The following VRK1 variants were observed in gnomAD, a reference collection of about 807,000 sequenced individuals.
VRK1 encodes the protein VRK serine/threonine kinase 1.
A neutral mutation model predicts 57.1 loss-of-function variants in VRK1; 33 were observed. That is an observed-to-expected ratio of 0.58 (90% CI 0.44 to 0.77). The LOEUF is 0.77. VRK1 is among the 30% of genes least tolerant of loss of function. VRK1 has a pLI of 0.00. For missense variants in VRK1, 413 were observed against 477.3 expected (o/e 0.87, Z 1.25); for synonymous variants, 137 against 147.8 (o/e 0.93, Z 0.53).
chr14:96,877,338 C>A, intron 12 of VRK1: 1 of 362,912 alleles, frequency 2.8e-6, no homozygotes, highest in Non-Finnish European at 5.2e-6. Flanking sequence ...TTGGTTTAAT[C>A]TGTTTTAACC....
chr14:96,837,891 T>C, intron 3 of VRK1, 74 bp downstream of exon 3: 1 of 991,582 alleles, frequency 1.0e-6, no homozygotes, highest in African/African-American at 1.7e-5. Context: ...CCTTTTTTGA[T>C]TAACTAGAAT....
intron 4 of VRK1, 129 bp downstream of exon 4, chr14:96,846,293 C>A: frequency 2.2e-6 from 2 of 900,780 alleles, no homozygotes; most frequent in Non-Finnish European, 1.7e-6. Context: ...ATTCCACTTA[C>A]ATGGGATTTG....
chr14:96,839,326 G>GTACAT (rs1319989497), intron 3 of VRK1, among the ~76,000 whole-genome samples: 2 of 151,986 alleles, frequency 1.3e-5, no homozygotes, highest in African/African-American at 4.8e-5. Flanking sequence ...TTGTACAAGT[G>GTACAT]TTTTTATGGA....
intron 11 of VRK1, among the ~76,000 whole-genome samples, chr14:96,872,986 A>G (rs1318440304): frequency 6.6e-6 from 1 of 152,168 alleles, no homozygotes; most frequent in African/African-American, 2.4e-5. Flanking sequence ...CATATGTGCT[A>G]TATGAAGCAT....
intron 4 of VRK1, among the ~76,000 whole-genome samples, chr14:96,846,714 GA>G (rs781778346): frequency 0.071 from 7,310 of 103,650 alleles, 608 homozygotes; most frequent in African/African-American, 0.22. Flanking sequence ...AAATATTCCA[GA>G]AAAAAAAAAA....
At chr14:96,809,498 T>C (rs1886075108) in intron 1 of VRK1, among the ~76,000 whole-genome samples, 1 of 152,090 alleles carries the variant, frequency 6.6e-6, no homozygotes, top group Non-Finnish European at 1.5e-5. Context: ...TTCATTTTGG[T>C]TGGGTATATA....
At chr14:96,841,936 C>G (rs1887480244) in intron 3 of VRK1, among the ~76,000 whole-genome samples, 1 of 152,104 alleles carries the variant, frequency 6.6e-6, no homozygotes, top group African/African-American at 2.4e-5. Context: ...CTTCTTTTCC[C>G]CTAGCACTCT....
At chr14:96,816,192 C>T (rs1288657224) in intron 1 of VRK1, among the ~76,000 whole-genome samples, 1 of 152,110 alleles carries the variant, frequency 6.6e-6, no homozygotes, top group African/African-American at 2.4e-5. Flanking sequence ...TGTTCAGAAG[C>T]CTCACCGGTA....
intron 1 of VRK1, among the ~76,000 whole-genome samples, chr14:96,803,100 GTGCT>G (rs1277581314): frequency 1.3e-5 from 2 of 151,642 alleles, no homozygotes; most frequent in South Asian, 4.2e-4. Context: ...TGGTGTCTTG[GTGCT>G]TGTGTTTGAG....
At chr14:96,864,194 CTTA>C (rs1425783378) in intron 11 of VRK1, among the ~76,000 whole-genome samples, 1 of 152,016 alleles carries the variant, frequency 6.6e-6, no homozygotes, top group African/African-American at 2.4e-5. Context: ...TTTTGAACTT[CTTA>C]TTTGGCTGAA....
chr14:96,811,044 C>A (rs1254424428), intron 1 of VRK1, among the ~76,000 whole-genome samples: 2 of 152,094 alleles, frequency 1.3e-5, no homozygotes, highest in African/African-American at 4.8e-5. Context: ...GTTCTCCCAC[C>A]TCAGCCTCCC....
chr14:96,816,228 G>A (rs1886388190), intron 1 of VRK1, among the ~76,000 whole-genome samples: 2 of 152,150 alleles, frequency 1.3e-5, no homozygotes, highest in Non-Finnish European at 2.9e-5. Flanking sequence ...CTAAACATAA[G>A]CGGTCTCACA....
Position 96,853,055 on chromosome 14 carries a change from C to T in VRK1, c.484-19C>T. The T allele has an allele frequency of 6.2e-7, 1 of 1,612,840 alleles. No individual in the cohort carries two copies. The highest frequency in any genetic ancestry group is 8.5e-7 in the Non-Finnish European group (1 of 1,179,018). On this transcript the variant is annotated intron_variant, in intron 6 of 12. Transcript: ENST00000216639. ...GTGTTAGGTACTGCATTAACTTATT[C>T]TGTATGATACTTTCATAGCTGGATA...
chr14:96,843,371 G>A (rs942906182), intron 3 of VRK1, among the ~76,000 whole-genome samples: 2 of 152,186 alleles, frequency 1.3e-5, no homozygotes, highest in Non-Finnish European at 2.9e-5. Context: ...CTTTTCAGAT[G>A]TGAACTGATA....
intron 5 of VRK1, among the ~76,000 whole-genome samples, chr14:96,847,669 A>G (rs1283902483): frequency 6.6e-6 from 1 of 152,098 alleles, no homozygotes; most frequent in African/African-American, 2.4e-5. Context: ...TTAGAAATAA[A>G]CAAACAAAAA....
intron 5 of VRK1, 80 bp downstream of exon 5, chr14:96,847,424 C>T (rs1383792635): frequency 8.7e-7 from 1 of 1,143,548 alleles, no homozygotes; most frequent in African/African-American, 1.5e-5. Context: ...TAATTATTTA[C>T]TGATCACTTA....
intron 10 of VRK1, among the ~76,000 whole-genome samples, chr14:96,859,557 C>T (rs1395770409): frequency 2.0e-5 from 3 of 151,966 alleles, no homozygotes; most frequent in African/African-American, 2.4e-5. Flanking sequence ...GATTGTTGTC[C>T]GTTTTTTTCT....
At chr14:96,861,881 A>G (rs955255852) in intron 11 of VRK1, among the ~76,000 whole-genome samples, 2 of 152,086 alleles carry the variant, frequency 1.3e-5, no homozygotes, top group Non-Finnish European at 2.9e-5. Context: ...GGAATTTTTT[A>G]GTAAGGTATT....
chr14:96,839,823 A>G (rs976955914), intron 3 of VRK1, among the ~76,000 whole-genome samples: 1 of 152,010 alleles, frequency 6.6e-6, no homozygotes, highest in African/African-American at 2.4e-5. Context: ...TTGCCTATTC[A>G]TTTTTTGAAT....
Sources: gnomAD v4.1 joint callset for allele counts (sites outside exome capture counted in the v4.1 genomes callset) on GRCh38, gnomAD v4.1.1 for gene constraint, MANE v1.5 for transcripts, NCBI Gene and HGNC (gene_info 2026-07-23, HGNC 2026-07-21) for gene names.